The following ITGBL1 variants were observed in gnomAD, a reference collection of about 807,000 sequenced individuals.
The protein encoded by ITGBL1 is integrin beta-like protein 1.
ITGBL1 carries 51 observed loss-of-function variants against 68.5 expected under a neutral mutation model. That is an observed-to-expected ratio of 0.74 (90% CI 0.59 to 0.94). The LOEUF is 0.94. Ranked by LOEUF, ITGBL1 falls within the 40% of genes least tolerant of loss-of-function variation. The probability of loss-of-function intolerance (pLI) is 0.00; values close to 1 mark genes in which losing one functional copy is unlikely to be tolerated. For synonymous variants in ITGBL1, 209 were observed against 227.3 expected (o/e 0.92, Z 0.72); for missense variants, 649 against 647.4 (o/e 1.00, Z -0.03).
At chr13:101,535,136 GC>G (rs2049550555) in intron 2 of ITGBL1, among the ~76,000 whole-genome samples, 1 of 151,984 alleles carries the variant, frequency 6.6e-6, no homozygotes, top group Non-Finnish European at 1.5e-5. Context: ...GCTGTCATTG[GC>G]CCTTAGCTGC....
downstream of ITGBL1, chr13:101,720,380 A>AAACAC (rs2034888110): frequency 6.6e-6 from 1 of 152,120 alleles, no homozygotes; most frequent in Non-Finnish European, 1.5e-5. Context: ...CCCATATATA[A>AAACAC]AACACAACAG....
chr13:101,545,381 A>G lies in ITGBL1; in HGVS notation c.317-22318A>G, dbSNP rs906872066. Among the ~76,000 whole-genome samples the G allele has an allele frequency of 7.2e-5, 11 of 152,354 alleles. No homozygotes were observed. The South Asian group carries it at 2.3e-3, about 32-fold the overall frequency. ...GGCTTAAAGGTATTAGAATTGAATGAAAAGTAATCAAGTGTTACACCAATG... is the reference window on the plus strand; with the variant it reads ...GGCTTAAAGGTATTAGAATTGAATGGAAAGTAATCAAGTGTTACACCAATG... On this transcript the variant is annotated intron_variant, in intron 2 of 10. Transcript: ENST00000376180.
At chr13:101,558,290 C>T (rs574498994) in intron 2 of ITGBL1, among the ~76,000 whole-genome samples, 2 of 151,948 alleles carry the variant, frequency 1.3e-5, no homozygotes, top group East Asian at 3.9e-4. Context: ...TAAAGATAGA[C>T]ATAAGATACT....
At chr13:101,658,282 G>A (rs2032987424) in intron 7 of ITGBL1, among the ~76,000 whole-genome samples, 1 of 152,050 alleles carries the variant, frequency 6.6e-6, no homozygotes. Context: ...TAAAATATTT[G>A]TTATAATTTT....
At chr13:101,609,208 G>A (rs968207259) in intron 7 of ITGBL1, among the ~76,000 whole-genome samples, 2 of 151,940 alleles carry the variant, frequency 1.3e-5, no homozygotes, top group African/African-American at 2.4e-5. Context: ...AGAACATGTC[G>A]GGAATGTAAT....
rs753390272 is a variant in ITGBL1, at chr13:101,579,325, G to C, written c.625G>C (p.Ala209Pro). The stretch of plus-strand genomic sequence containing the variant: ...TTACTGTGGAAACTGCTACTGCAAG[G>C]CTGGTTGGCATGGAGATAAATGTGA... Reference protein sequence around the residue: ...KCYCGNCYCKAGWHGDKCEFQ... With the variant: ...KCYCGNCYCKPGWHGDKCEFQ... Residue 209 changes from alanine (A) to proline (P), a missense_variant, in exon 5 of 11, where the codon GCT (alanine) becomes CCT (proline). Coordinates refer to ENST00000376180, the MANE Select transcript of ITGBL1 (RefSeq NM_004791.3). 3 of 1,613,940 alleles carry C rather than the reference G, an allele frequency of 1.9e-6. No homozygotes were observed. The highest frequency in any genetic ancestry group is 1.3e-5 in the African/African-American group (1 of 75,028).
chr13:101,684,281 T>C (rs1226440250), intron 7 of ITGBL1, among the ~76,000 whole-genome samples: 1 of 152,018 alleles, frequency 6.6e-6, no homozygotes, highest in African/African-American at 2.4e-5. Flanking sequence ...AGCCCTGATA[T>C]CTATTTCAAA....
chr13:101,702,489 G>T (rs2034158195), intron 8 of ITGBL1, among the ~76,000 whole-genome samples: 1 of 151,730 alleles, frequency 6.6e-6, no homozygotes, highest in Non-Finnish European at 1.5e-5. Flanking sequence ...TTGCATTCAT[G>T]CTGTAAATTT....
intron 7 of ITGBL1, among the ~76,000 whole-genome samples, chr13:101,640,078 T>C (rs1042816394): frequency 6.6e-6 from 1 of 152,184 alleles, no homozygotes; most frequent in African/African-American, 2.4e-5. Flanking sequence ...AAAATGATTA[T>C]ACTTACAAGA....
At chr13:101,579,560 A>T in intron 5 of ITGBL1, 133 bp downstream of exon 5, 3 of 884,954 alleles carry the variant, frequency 3.4e-6, no homozygotes, top group Non-Finnish European at 5.1e-6. Context: ...ATGTAAATCA[A>T]CATTTACTAT....
chr13:101,677,441 A>G (rs7984264), intron 7 of ITGBL1, among the ~76,000 whole-genome samples: 8,799 of 152,214 alleles, frequency 0.058, 890 homozygotes, highest in African/African-American at 0.2. Flanking sequence ...ATAGATTTCT[A>G]TTTCAGCCTC....
intron 7 of ITGBL1, among the ~76,000 whole-genome samples, chr13:101,623,847 G>T (rs924476703): frequency 6.6e-6 from 1 of 152,106 alleles, no homozygotes; most frequent in Non-Finnish European, 1.5e-5. Flanking sequence ...AAGTTTTTTT[G>T]GGTATACCTT....
chr13:101,489,933 A>T (rs1489135180), intron 2 of ITGBL1: 1 of 1,484,494 alleles, frequency 6.7e-7, no homozygotes, highest in African/African-American at 1.4e-5. Context: ...ACAAGCAGAA[A>T]ACAAAATATT....
intron 2 of ITGBL1, among the ~76,000 whole-genome samples, chr13:101,563,865 T>C (rs2050138581): frequency 6.6e-6 from 1 of 151,862 alleles, no homozygotes; most frequent in South Asian, 2.1e-4. Flanking sequence ...CATGCCAGTA[T>C]GATTTATAAA....
intron 7 of ITGBL1, among the ~76,000 whole-genome samples, chr13:101,676,924 C>T (rs1261175852): frequency 1.3e-5 from 2 of 152,004 alleles, no homozygotes; most frequent in African/African-American, 4.8e-5. Context: ...GTGGATCAGT[C>T]GAGGCCAGGA....
chr13:101,628,230 C>A (rs1331583662), intron 7 of ITGBL1, among the ~76,000 whole-genome samples: 1 of 152,024 alleles, frequency 6.6e-6, no homozygotes, highest in Non-Finnish European at 1.5e-5. Flanking sequence ...TACTTGTTTG[C>A]CATCTGTATG....
At chr13:101,579,146 A>G in intron 4 of ITGBL1, 141 bp from the exon 5 acceptor site, 3 of 853,948 alleles carry the variant, frequency 3.5e-6, no homozygotes, top group South Asian at 1.7e-5. Context: ...AGAAAGCTGT[A>G]TAATTTGATT....
intron 2 of ITGBL1, among the ~76,000 whole-genome samples, chr13:101,485,120 T>C (rs1482610697): frequency 1.3e-5 from 2 of 152,152 alleles, no homozygotes; most frequent in African/African-American, 2.4e-5. Flanking sequence ...CTCAGCAAAA[T>C]ACTTTTCAAA....
chr13:101,595,746 G>A (rs2029924615), intron 6 of ITGBL1, among the ~76,000 whole-genome samples: 2 of 152,246 alleles, frequency 1.3e-5, no homozygotes, highest in South Asian at 4.1e-4. Context: ...TGTTGTTGGT[G>A]AGGATGTAAA....
Sources: allele counts gnomAD v4.1 joint callset (sites outside exome capture counted in the v4.1 genomes callset), GRCh38; gene constraint gnomAD v4.1.1; transcripts MANE v1.5; gene names NCBI Gene and HGNC (gene_info 2026-07-23, HGNC 2026-07-21).